The following ELAPOR2 variants were observed in gnomAD, a reference collection of about 807,000 sequenced individuals.
ELAPOR2 encodes endosome-lysosome associated apoptosis and autophagy regulator family member 2.
In ELAPOR2, 89 loss-of-function variants were observed where a neutral mutation model predicts 120.7. That is an observed-to-expected ratio of 0.74 (90% CI 0.62 to 0.88). The LOEUF is 0.88. Among genes scored for constraint, ELAPOR2 ranks in the 40% least tolerant of loss-of-function variants. The pLI is 0.00. For missense variants in ELAPOR2, 1,134 were observed against 1,251.6 expected (o/e 0.91, Z 1.42); for synonymous variants, 444 against 444.9 (o/e 1.00, Z 0.03).
At chr7:87,035,786 T>A (rs1473114719) in intron 1 of ELAPOR2, among the ~76,000 whole-genome samples, 1 of 152,246 alleles carries the variant, frequency 6.6e-6, no homozygotes, top group African/African-American at 2.4e-5. Context: ...TCCCATTCTA[T>A]GCTTGAACAT....
chr7:87,020,204 G>C (rs533541028), intron 1 of ELAPOR2, among the ~76,000 whole-genome samples: 1 of 152,124 alleles, frequency 6.6e-6, no homozygotes, highest in South Asian at 2.1e-4. Flanking sequence ...TATTTTAAAA[G>C]ACTGAAAGTA....
chr7:87,036,522 G>A (rs184996189), intron 1 of ELAPOR2, among the ~76,000 whole-genome samples: 2 of 152,256 alleles, frequency 1.3e-5, no homozygotes, highest in African/African-American at 4.8e-5. Flanking sequence ...GCAAAGTCAT[G>A]GAAGCAAGCT....
At chr7:86,953,870 C>T (rs1791367223) in intron 2 of ELAPOR2, among the ~76,000 whole-genome samples, 1 of 152,072 alleles carries the variant, frequency 6.6e-6, no homozygotes, top group African/African-American at 2.4e-5. Flanking sequence ...ACCTAAGCAC[C>T]CAGTGAAAGA....
In ELAPOR2 at chr7:86,878,865, T is replaced by C. The variant is rs1487203721; in HGVS notation, c.*1606A>G. 6.6e-6 allele frequency: 1 copy of C among 152,204 alleles called. No homozygotes were observed. Among genetic ancestry groups the C allele is most frequent in the Non-Finnish European group, 1.5e-5 (1 of 68,028 alleles). 9.4% of individuals were successfully genotyped at this position (152,204 alleles called of 1,614,324 possible). On this transcript the variant is annotated 3_prime_UTR_variant, in exon 22 of 22. Transcript: ENST00000450689. The stretch of plus-strand genomic sequence containing the variant: ...AATGACAACCTCACCTATACTCATA[T>C]GTGCAACAGCAGAGATATACACAAA...
chr7:86,988,102 A>G (rs1792816454), intron 1 of ELAPOR2, among the ~76,000 whole-genome samples: 1 of 152,338 alleles, frequency 6.6e-6, no homozygotes, highest in Middle Eastern at 3.4e-3. Context: ...CAAGGACAGA[A>G]AACCAAACAC....
At chr7:86,995,963 C>T (rs1468749646) in intron 1 of ELAPOR2, among the ~76,000 whole-genome samples, 1 of 152,238 alleles carries the variant, frequency 6.6e-6, no homozygotes, top group Non-Finnish European at 1.5e-5. Flanking sequence ...ACACAAGTAA[C>T]GTGGTCACAA....
At chr7:86,988,658 A>C (rs1792839954) in intron 1 of ELAPOR2, among the ~76,000 whole-genome samples, 1 of 152,248 alleles carries the variant, frequency 6.6e-6, no homozygotes, top group Non-Finnish European at 1.5e-5. Context: ...TTACTCCTAC[A>C]AAACAGTTTA....
chr7:86,943,428 A>C (rs922449801), intron 4 of ELAPOR2, among the ~76,000 whole-genome samples: 1 of 151,988 alleles, frequency 6.6e-6, no homozygotes, highest in African/African-American at 2.4e-5. Context: ...ATCTACAAAC[A>C]CTTTCTTTCC....
At chr7:86,982,590 G>A (rs377341169) in intron 1 of ELAPOR2, among the ~76,000 whole-genome samples, 3 of 152,158 alleles carry the variant, frequency 2.0e-5, no homozygotes, top group East Asian at 1.9e-4. Context: ...TGCAGCTGAG[G>A]GACCTGACTG....
rs1221728328 is a variant in ELAPOR2 at position 86,886,660 on chromosome 7, A to G, written c.3030+5064T>C. ...CGCTCAACAAGGTAGAAAAGGCTGA[A>G]TAAGCCTCACTTGTCAAATACGAAT... On this transcript the variant is annotated intron_variant, in intron 21 of 21. Transcript: ENST00000450689. Among the ~76,000 whole-genome samples the G allele has an allele frequency of 2.6e-5, 4 of 152,294 alleles. No homozygotes were observed. In the East Asian group the frequency reaches 7.7e-4, roughly 29 times the overall value.
At chr7:86,986,978 A>G (rs7385478) in intron 1 of ELAPOR2, among the ~76,000 whole-genome samples, 56,349 of 149,600 alleles carry the variant, frequency 0.38, 11,427 homozygotes, top group African/African-American at 0.53. Context: ...AAACAGCATG[A>G]TACTGGTACC....
At chr7:86,888,193 C>A (rs752269326) in intron 21 of ELAPOR2, among the ~76,000 whole-genome samples, 1 of 152,056 alleles carries the variant, frequency 6.6e-6, no homozygotes, top group East Asian at 1.9e-4. Flanking sequence ...ATGGACAAAG[C>A]GGGGGTACAC....
At chr7:86,946,684 T>G (rs990313896) in intron 3 of ELAPOR2, among the ~76,000 whole-genome samples, 4 of 152,158 alleles carry the variant, frequency 2.6e-5, no homozygotes, top group African/African-American at 7.2e-5. Flanking sequence ...ACCGCCGCAC[T>G]GGCCCAGACT....
chr7:86,906,531 A>G (rs1789024201), intron 18 of ELAPOR2, among the ~76,000 whole-genome samples: 1 of 152,172 alleles, frequency 6.6e-6, no homozygotes, highest in South Asian at 2.1e-4. Context: ...AGTTGAAGCA[A>G]TGCTTACACC....
rs1473497531 is a variant in ELAPOR2, at chr7:86,880,376, A to G, written c.*95T>C. 5 of 878,662 alleles carry G rather than the reference A, an allele frequency of 5.7e-6. No individual in the cohort carries two copies. Among genetic ancestry groups the G allele is most frequent in the South Asian group, 4.3e-5 (3 of 69,182 alleles). The allele number at this position is 878,662 out of a possible 1,614,324, so 54.4% of individuals were successfully genotyped here. A position where few individuals can be genotyped will look rare whatever the true frequency, so the allele number is the denominator to read the frequency against. ...ATGGCCCTCCTCTGTGAGATCACCAATGTGACAGGTATGAGGACAGACCCT... is the reference window on the plus strand; with the variant it reads ...ATGGCCCTCCTCTGTGAGATCACCAGTGTGACAGGTATGAGGACAGACCCT... On this transcript the variant is annotated 3_prime_UTR_variant, in exon 22 of 22. Transcript: ENST00000450689.
intron 12 of ELAPOR2, among the ~76,000 whole-genome samples, chr7:86,916,858 G>C (rs1005606011): frequency 6.6e-6 from 1 of 151,484 alleles, no homozygotes; most frequent in African/African-American, 2.4e-5. Context: ...CTGTTGCCCA[G>C]ACTGCAGTGT....
rs148117446 is a variant in ELAPOR2, at chr7:86,968,878, G to A, written c.190-3854C>T. On this transcript the variant is annotated intron_variant, in intron 1 of 21. Transcript: ENST00000450689. ...GTGCCTGGGCCCATGCCAACTCAAA[G>A]GATGGCAGTTATTTAGACATTCTGC... Among the ~76,000 whole-genome samples, 350 of 152,280 alleles carry A rather than the reference G, an allele frequency of 2.3e-3. 3 individuals carry two copies. Among genetic ancestry groups the A allele is most frequent in the African/African-American group, 8.1e-3 (335 of 41,560 alleles).
intron 1 of ELAPOR2, among the ~76,000 whole-genome samples, chr7:86,977,130 A>G (rs904746813): frequency 3.3e-5 from 5 of 152,256 alleles, no homozygotes; most frequent in African/African-American, 1.2e-4. Flanking sequence ...GCTGCCACTC[A>G]TTAGTGATAC....
At chr7:86,979,800 G>A (rs1049053965) in intron 1 of ELAPOR2, among the ~76,000 whole-genome samples, 33 of 152,280 alleles carry the variant, frequency 2.2e-4, no homozygotes, top group African/African-American at 3.6e-4. Context: ...AACTGCCCAC[G>A]GACAGAAGTA....
Sources: allele counts gnomAD v4.1 joint callset (sites outside exome capture counted in the v4.1 genomes callset), GRCh38; gene constraint gnomAD v4.1.1; transcripts MANE v1.5; gene names NCBI Gene and HGNC (gene_info 2026-07-23, HGNC 2026-07-21).